GSK3B: variants seen among roughly 807,000 people sequenced by gnomAD.
GSK3B encodes glycogen synthase kinase-3 beta.
In GSK3B, 15 loss-of-function variants were observed where a neutral mutation model predicts 56.4. The observed-to-expected ratio is 0.27, with a 90% CI of 0.18 to 0.41. GSK3B has a LOEUF of 0.41. Among genes scored for constraint, GSK3B ranks in the 10% least tolerant of loss-of-function variants. GSK3B has a pLI of 1.00. For synonymous variants in GSK3B, 181 were observed against 188.9 expected (o/e 0.96, Z 0.34); for missense variants, 300 against 513.4 (o/e 0.58, Z 4.02).
At chr3:120,076,268 T>C (rs566185020) in intron 1 of GSK3B, among the ~76,000 whole-genome samples, 1 of 152,188 alleles carries the variant, frequency 6.6e-6, no homozygotes, top group Non-Finnish European at 1.5e-5. Flanking sequence ...GAAGAAAACA[T>C]AGGGAGAAAT....
At chr3:119,856,389 C>G (rs746186244) in intron 9 of GSK3B, among the ~76,000 whole-genome samples, 7 of 152,174 alleles carry the variant, frequency 4.6e-5, no homozygotes, top group Non-Finnish European at 1.0e-4. Flanking sequence ...AACTTTCATT[C>G]AAGATACTAG....
At chr3:119,849,655 A>G (rs2055901472) in intron 9 of GSK3B, among the ~76,000 whole-genome samples, 1 of 152,158 alleles carries the variant, frequency 6.6e-6, no homozygotes, top group Non-Finnish European at 1.5e-5. Context: ...TAGTCTGGAC[A>G]AGAATATGTA....
At chr3:120,053,901 G>T (rs767313065) in intron 1 of GSK3B, among the ~76,000 whole-genome samples, 1 of 152,190 alleles carries the variant, frequency 6.6e-6, no homozygotes, top group South Asian at 2.1e-4. Context: ...ACGTGGAACT[G>T]TGAGTCCATT....
chr3:120,079,026 T>G (rs575549578), intron 1 of GSK3B, among the ~76,000 whole-genome samples: 1 of 146,700 alleles, frequency 6.8e-6, no homozygotes, highest in African/African-American at 2.5e-5. Flanking sequence ...CTGCAACCTC[T>G]GCTTTGCCAG....
At chr3:119,929,520 C>A (rs2056922062) in intron 3 of GSK3B, among the ~76,000 whole-genome samples, 1 of 152,054 alleles carries the variant, frequency 6.6e-6, no homozygotes, top group South Asian at 2.1e-4. Context: ...ATAATCCCAG[C>A]ACTGTAGGAG....
Position 119,986,224 on chromosome 3 carries a change from TA to T in GSK3B, c.282+15821del, listed in dbSNP as rs565509029. On this transcript the variant is annotated intron_variant, in intron 2 of 10. Coordinates refer to ENST00000264235, the MANE Select transcript of GSK3B (RefSeq NM_001146156.2). ...GACTTAAATATTAGACCTAAAACCA[TA>T]AAAACCCTAGAAGAAAACCTAGGCA... Among the ~76,000 whole-genome samples, 4 of 152,124 alleles carry T rather than the reference TA, an allele frequency of 2.6e-5. No individual in the cohort carries two copies. The South Asian group carries it at 8.3e-4, about 32-fold the overall frequency.
intron 1 of GSK3B, among the ~76,000 whole-genome samples, chr3:120,019,123 A>C (rs1559878639): frequency 6.6e-6 from 1 of 152,222 alleles, no homozygotes; most frequent in Non-Finnish European, 1.5e-5. Flanking sequence ...TAGCTAAAGT[A>C]CAATATTTTA....
At chr3:119,857,742 G>C (rs1353581714) in intron 9 of GSK3B, among the ~76,000 whole-genome samples, 1 of 152,070 alleles carries the variant, frequency 6.6e-6, no homozygotes, top group East Asian at 1.9e-4. Flanking sequence ...CTTTCCAGAA[G>C]GTTTTCAGTT....
intron 1 of GSK3B, among the ~76,000 whole-genome samples, chr3:120,076,739 G>A (rs13096914): frequency 0.018 from 2,677 of 149,484 alleles, 41 homozygotes; most frequent in Non-Finnish European, 0.027. Flanking sequence ...GCGTGAACCC[G>A]GGAGGCGGAG....
In GSK3B at chr3:120,094,333, G is replaced by A; in HGVS notation, c.-899C>T. On this transcript the variant is annotated 5_prime_UTR_variant, in exon 1 of 11. Coordinates refer to ENST00000264235, the MANE Select transcript of GSK3B (RefSeq NM_001146156.2). ...GCCCCAGCCCAGAGCCCTGTCAGCGGCTGCGGGGCCGGCTCCTCCTCGCTT... is the reference window on the plus strand; with the variant it reads ...GCCCCAGCCCAGAGCCCTGTCAGCGACTGCGGGGCCGGCTCCTCCTCGCTT... 3.6e-6 allele frequency: 1 copy of A among 279,086 alleles called. No individual in the cohort carries two copies. Among genetic ancestry groups the A allele is most frequent in the Non-Finnish European group, 6.8e-6 (1 of 147,246 alleles). 17.3% of individuals were successfully genotyped at this position (279,086 alleles called of 1,614,324 possible). A position where few individuals can be genotyped will look rare whatever the true frequency, so the allele number is the denominator to read the frequency against.
intron 3 of GSK3B, among the ~76,000 whole-genome samples, chr3:119,944,432 T>C (rs2057080375): frequency 6.6e-6 from 1 of 152,196 alleles, no homozygotes; most frequent in Non-Finnish European, 1.5e-5. Flanking sequence ...AGGGTTCTTT[T>C]TACCGTTTTG....
intron 1 of GSK3B, among the ~76,000 whole-genome samples, chr3:120,015,906 A>T (rs1296069882): frequency 6.6e-6 from 1 of 152,194 alleles, no homozygotes. Context: ...GAAAAGCCTT[A>T]CAAGTAGTAA....
At chr3:119,893,835 A>C (rs1253104629) in intron 7 of GSK3B, among the ~76,000 whole-genome samples, 1 of 151,976 alleles carries the variant, frequency 6.6e-6, no homozygotes, top group Admixed American at 6.6e-5. Context: ...GAAATGACAA[A>C]GACATTCTTT....
At chr3:119,864,694 C>A (rs2056154163) in intron 8 of GSK3B, among the ~76,000 whole-genome samples, 1 of 152,216 alleles carries the variant, frequency 6.6e-6, no homozygotes, top group Non-Finnish European at 1.5e-5. Context: ...AAGAATGGCT[C>A]ATGTAACATT....
intron 10 of GSK3B, among the ~76,000 whole-genome samples, chr3:119,830,562 T>C (rs1259677690): frequency 6.6e-6 from 1 of 152,212 alleles, no homozygotes; most frequent in African/African-American, 2.4e-5. Context: ...TATGCACTGG[T>C]AAAGTGACGC....
intron 2 of GSK3B, among the ~76,000 whole-genome samples, chr3:119,973,736 T>TA (rs1394395876): frequency 6.6e-6 from 1 of 152,258 alleles, no homozygotes; most frequent in East Asian, 1.9e-4. Flanking sequence ...TTTAATCACT[T>TA]ACTGTGCCTA....
chr3:119,885,615 A>G (rs192859564), intron 7 of GSK3B, among the ~76,000 whole-genome samples: 21 of 152,304 alleles, frequency 1.4e-4, no homozygotes, highest in Non-Finnish European at 1.9e-4. Context: ...AGCAAAAAGG[A>G]CAAAGCCAGA....
intron 1 of GSK3B, among the ~76,000 whole-genome samples, chr3:120,076,542 G>A (rs748381957): frequency 4.6e-5 from 7 of 152,206 alleles, no homozygotes; most frequent in Non-Finnish European, 8.8e-5. Context: ...GCGGCTGGGC[G>A]CGGTGGCTCA....
intron 8 of GSK3B, among the ~76,000 whole-genome samples, chr3:119,864,710 G>T (rs1016530803): frequency 6.6e-6 from 1 of 152,248 alleles, no homozygotes; most frequent in Non-Finnish European, 1.5e-5. Flanking sequence ...ACATTTGGTT[G>T]TTCACTTATG....
Sources: allele counts gnomAD v4.1 joint callset (sites outside exome capture counted in the v4.1 genomes callset), GRCh38; gene constraint gnomAD v4.1.1; transcripts MANE v1.5; gene names NCBI Gene and HGNC (gene_info 2026-07-23, HGNC 2026-07-21).